RANBP2: variants seen among roughly 807,000 people sequenced by gnomAD.
RANBP2 encodes RAN binding protein 2, also known as E3 SUMO-protein ligase RanBP2.
Under a neutral mutation model 303.6 loss-of-function variants are expected in RANBP2, and 57 were observed. That is an observed-to-expected ratio of 0.19 (90% CI 0.15 to 0.23). The LOEUF (loss-of-function observed/expected upper bound fraction) is 0.23. Among genes scored for constraint, RANBP2 ranks in the 10% least tolerant of loss-of-function variants. RANBP2 has a pLI of 1.00. For missense variants in RANBP2, 3,138 were observed against 3,780.8 expected (o/e 0.83, Z 4.46); for synonymous variants, 1,167 against 1,301.5 (o/e 0.90, Z 2.23).
the RANBP2 span, among the ~76,000 whole-genome samples, chr2:108,908,640 C>T: frequency 2.6e-5 from 4 of 152,212 alleles, no homozygotes; most frequent in Non-Finnish European, 5.9e-5. Context: ...CGCCCTGTGG[C>T]TCACAGCCCA....
the RANBP2 span, among the ~76,000 whole-genome samples, chr2:108,923,745 T>A: frequency 6.6e-6 from 1 of 152,246 alleles, no homozygotes; most frequent in Non-Finnish European, 1.5e-5. Flanking sequence ...TGCCATCACA[T>A]CATCCACCAG....
At chr2:108,911,208 C>T in the RANBP2 span, 5 of 1,110,234 alleles carry the variant, frequency 4.5e-6, no homozygotes, top group Admixed American at 9.8e-5. Flanking sequence ...GAGGTGCTTG[C>T]TTAGACTGAG....
intron 4 of RANBP2, among the ~76,000 whole-genome samples, chr2:108,734,948 T>C (rs973378089): frequency 6.6e-6 from 1 of 152,164 alleles, no homozygotes; most frequent in African/African-American, 2.4e-5. Flanking sequence ...TCCTAGCTTC[T>C]TGAGAGGCTG....
chr2:109,533,537 G>C, the RANBP2 span, among the ~76,000 whole-genome samples: 1 of 152,150 alleles, frequency 6.6e-6, no homozygotes, highest in African/African-American at 2.4e-5. Flanking sequence ...CTGCGGATGG[G>C]TAAAGGTTCA....
the RANBP2 span, among the ~76,000 whole-genome samples, chr2:108,795,196 C>G: frequency 4.8e-5 from 6 of 125,600 alleles, no homozygotes; most frequent in African/African-American, 1.7e-4. Flanking sequence ...GCTGTATCAC[C>G]CAGGCTGGAG....
At chr2:109,351,870 T>A in the RANBP2 span, among the ~76,000 whole-genome samples, 1 of 152,232 alleles carries the variant, frequency 6.6e-6, no homozygotes, top group African/African-American at 2.4e-5. Context: ...CCATGTGACC[T>A]TCTTATGCTG....
At chr2:108,870,864 G>C in the RANBP2 span, among the ~76,000 whole-genome samples, 1 of 152,184 alleles carries the variant, frequency 6.6e-6, no homozygotes, top group Non-Finnish European at 1.5e-5. Flanking sequence ...AGTTTCAGAA[G>C]AAGATGGAAA....
the RANBP2 span, among the ~76,000 whole-genome samples, chr2:109,453,582 A>G: frequency 2.0e-5 from 3 of 152,142 alleles, no homozygotes; most frequent in African/African-American, 4.8e-5. Context: ...CCGACCGGCC[A>G]TCACTCACTC....
the RANBP2 span, among the ~76,000 whole-genome samples, chr2:109,566,436 C>T: frequency 1.3e-5 from 2 of 151,996 alleles, no homozygotes; most frequent in African/African-American, 2.4e-5. Context: ...GCCACCACAC[C>T]TGGCCGAAAA....
the RANBP2 span, among the ~76,000 whole-genome samples, chr2:109,397,925 A>AT: frequency 1.3e-5 from 2 of 152,178 alleles, no homozygotes; most frequent in Admixed American, 6.5e-5. Context: ...ACAATGGGAG[A>AT]TGTGGGAAGG....
chr2:109,285,398 T>TTA, the RANBP2 span, among the ~76,000 whole-genome samples: 17 of 152,344 alleles, frequency 1.1e-4, no homozygotes, highest in African/African-American at 4.1e-4. Context: ...ACTTTTGTCT[T>TTA]AATTAGACTT....
the RANBP2 span, chr2:108,816,228 A>C: frequency 1.5e-6 from 1 of 680,426 alleles, no homozygotes; most frequent in Non-Finnish European, 2.4e-6. Context: ...AGCTGGGCAG[A>C]TCACCTGAGG....
the RANBP2 span, among the ~76,000 whole-genome samples, chr2:109,250,368 A>G: frequency 3.9e-5 from 6 of 152,172 alleles, no homozygotes; most frequent in South Asian, 4.2e-4. Flanking sequence ...CTCTGAATTC[A>G]CTTCTGAGCT....
the RANBP2 span, among the ~76,000 whole-genome samples, chr2:109,695,549 G>C: frequency 6.6e-6 from 1 of 152,208 alleles, no homozygotes; most frequent in Non-Finnish European, 1.5e-5. Context: ...GGTTCAGCTT[G>C]ATTGATGCTG....
the RANBP2 span, among the ~76,000 whole-genome samples, chr2:108,905,605 G>A: frequency 1.3e-5 from 2 of 152,234 alleles, no homozygotes; most frequent in Middle Eastern, 3.4e-3. Flanking sequence ...CCCGCTGCCC[G>A]GCCAGATCAA....
the RANBP2 span, among the ~76,000 whole-genome samples, chr2:109,357,953 G>C: frequency 1.3e-5 from 2 of 152,070 alleles, no homozygotes; most frequent in Admixed American, 6.5e-5. Flanking sequence ...AGTCACTCTT[G>C]GTGCAGAGTC....
At chr2:109,281,539 G>A in the RANBP2 span, among the ~76,000 whole-genome samples, 1 of 152,190 alleles carries the variant, frequency 6.6e-6, no homozygotes, top group Non-Finnish European at 1.5e-5. Context: ...CATGCAAAGG[G>A]ATGAGGGAGG....
the RANBP2 span, among the ~76,000 whole-genome samples, chr2:109,621,765 T>C: frequency 1.3e-5 from 2 of 151,848 alleles, no homozygotes; most frequent in African/African-American, 4.8e-5. Flanking sequence ...TACAAAATAT[T>C]AGCTAGGCAT....
the RANBP2 span, among the ~76,000 whole-genome samples, chr2:109,056,489 C>T: frequency 6.6e-6 from 1 of 152,156 alleles, no homozygotes; most frequent in African/African-American, 2.4e-5. Flanking sequence ...CTTTAGATCT[C>T]TTCTTCCCAC....
Sources: gnomAD v4.1 joint callset for allele counts (sites outside exome capture counted in the v4.1 genomes callset) on GRCh38, gnomAD v4.1.1 for gene constraint, MANE v1.5 for transcripts, NCBI Gene and HGNC (gene_info 2026-07-23, HGNC 2026-07-21) for gene names.